Variants in EPRS1 observed in about 807,000 individuals in gnomAD.
EPRS1 encodes the protein bifunctional glutamate/proline--tRNA ligase.
EPRS1 carries 107 observed loss-of-function variants against 188.3 expected under a neutral mutation model. The observed-to-expected ratio is 0.57, with a 90% CI of 0.49 to 0.67. The LOEUF (loss-of-function observed/expected upper bound fraction) is 0.67, where lower values mean the gene tolerates loss of function less well. Among genes scored for constraint, EPRS1 ranks in the 30% least tolerant of loss-of-function variants. The pLI, the probability that EPRS1 is intolerant of heterozygous loss-of-function variation, is 0.00. For synonymous variants in EPRS1, 596 were observed against 593.1 expected, an observed-to-expected ratio of 1.00 and a Z score of -0.07; for missense variants, 1,577 against 1,802.2, an observed-to-expected ratio of 0.88 and a Z score of 2.26.
rs112415873 is a variant in EPRS1, at chr1:219,983,111, T to C, written c.3300+78A>G. ...AAAAATGGCTTTATATTTTTCAAAA[T>C]TGGTTGTTAAAAGTTGAAAATATAT... On this transcript the variant is annotated intron_variant, in intron 22 of 31. Coordinates refer to ENST00000366923, the MANE Select transcript of EPRS1 (RefSeq NM_004446.3). 19 of 1,205,714 alleles carry C rather than the reference T, an allele frequency of 1.6e-5. No individual in the cohort carries two copies. In the African/African-American group the frequency reaches 1.8e-4, roughly 12 times the overall value. 74.7% of individuals were successfully genotyped at this position (1,205,714 alleles called of 1,614,324 possible). A position where few individuals can be genotyped will look rare whatever the true frequency, so the allele number is the denominator to read the frequency against.
intron 1 of EPRS1, among the ~76,000 whole-genome samples, chr1:220,040,805 G>A (rs1429790965): frequency 6.7e-6 from 1 of 149,564 alleles, no homozygotes; most frequent in Non-Finnish European, 1.5e-5. Context: ...AGCCGAGATT[G>A]AGCCATTGCA....
Position 220,005,833 on chromosome 1 carries a change from T to TG in EPRS1, c.1950+272_1950+273insC, listed in dbSNP as rs1390660609. On this transcript the variant is annotated intron_variant, in intron 15 of 31. Transcript: ENST00000366923. ...ACTTACATCGTTTTTTTTTTTGTTT[T>TG]TTTTTTTGTTTTTTTTTGTAGAGAC... Among the ~76,000 whole-genome samples, 21 of 41,196 alleles carry TG rather than the reference T, an allele frequency of 5.1e-4. 1 individual carries two copies. Among genetic ancestry groups the TG allele is most frequent in the African/African-American group, 2.2e-3 (20 of 9,218 alleles). 27.0% of individuals were successfully genotyped at this position (41,196 alleles called of 152,430 possible). A position where few individuals can be genotyped will look rare whatever the true frequency, so the allele number is the denominator to read the frequency against.
At chr1:220,035,472 G>A (rs560851822) in intron 2 of EPRS1, among the ~76,000 whole-genome samples, 59 of 152,262 alleles carry the variant, frequency 3.9e-4, no homozygotes, top group African/African-American at 1.3e-3. Context: ...TTCTTTACAT[G>A]TCTATTCAGA....
At chr1:219,989,760 G>C (rs1009256350) in intron 18 of EPRS1, among the ~76,000 whole-genome samples, 8 of 152,108 alleles carry the variant, frequency 5.3e-5, no homozygotes, top group African/African-American at 1.7e-4. Context: ...CTATTAGAGT[G>C]TCATACCAGG....
At chr1:219,981,623 T>C (rs920432876) in intron 23 of EPRS1, among the ~76,000 whole-genome samples, 166 bp from the exon 24 acceptor site, 2 of 152,236 alleles carry the variant, frequency 1.3e-5, no homozygotes, top group African/African-American at 4.8e-5. Flanking sequence ...TTATAATAAG[T>C]GAATAGTATT....
At chr1:220,017,672 T>C (rs1661747386) in intron 12 of EPRS1, among the ~76,000 whole-genome samples, 1 of 152,078 alleles carries the variant, frequency 6.6e-6, no homozygotes, top group African/African-American at 2.4e-5. Flanking sequence ...ACAGAAACCA[T>C]AATTTAAAAC....
At chr1:220,019,893 C>G in intron 10 of EPRS1, 95 bp downstream of exon 10, 1 of 809,398 alleles carries the variant, frequency 1.2e-6, no homozygotes, top group Non-Finnish European at 2.1e-6. Context: ...CATTCCCCCT[C>G]CTCCCAATCA....
intron 13 of EPRS1, among the ~76,000 whole-genome samples, chr1:220,010,618 T>C (rs1333401353): frequency 3.9e-5 from 6 of 152,038 alleles, no homozygotes; most frequent in Admixed American, 3.3e-4. Flanking sequence ...GAGACCAACC[T>C]GGCCAACATG....
At chr1:219,989,856 CTT>C in intron 18 of EPRS1, among the ~76,000 whole-genome samples, 1 of 152,126 alleles carries the variant, frequency 6.6e-6, no homozygotes, top group East Asian at 1.9e-4. Context: ...TGTTGTGTCT[CTT>C]GTTTATTCTG....
At chr1:219,971,308 A>C (rs1660659755) in intron 30 of EPRS1, among the ~76,000 whole-genome samples, 1 of 152,202 alleles carries the variant, frequency 6.6e-6, no homozygotes, top group Non-Finnish European at 1.5e-5. Flanking sequence ...GAAACTTTAA[A>C]GTTTCAGCTC....
At position 220,020,636 on chromosome 1, in the gene EPRS1, A is replaced by G. The variant is rs551867756; in HGVS notation, c.1116-415T>C. Among the ~76,000 whole-genome samples, 6 of 151,164 alleles carry G rather than the reference A, an allele frequency of 4.0e-5. No individual in the cohort carries two copies. The East Asian group carries it at 1.2e-3, about 29-fold the overall frequency. ...GTTCTGAGTAATCCCTTACTCAAGT[A>G]AATCCCTAAAAGTCTTAAAAGTACT... On this transcript the variant is annotated intron_variant, in intron 9 of 31. Coordinates refer to ENST00000366923, the MANE Select transcript of EPRS1 (RefSeq NM_004446.3).
chr1:220,012,453 T>C (rs1661622790), intron 12 of EPRS1, among the ~76,000 whole-genome samples: 1 of 152,200 alleles, frequency 6.6e-6, no homozygotes, highest in Admixed American at 6.5e-5. Context: ...TTCCTATACT[T>C]GACTAATTTT....
In EPRS1 at chr1:219,997,340, G is replaced by A. The variant is rs768427860; in HGVS notation, c.2184C>T (p.Thr728=). Residue 728 remains threonine (T), a splice_region_variant and synonymous_variant, in exon 18 of 32, where the codon ACC becomes ACT. Coordinates refer to ENST00000366923, the MANE Select transcript of EPRS1 (RefSeq NM_004446.3). ...KTKVEATKNE[T]SAPFKERPTP... is the part of the protein sequence containing the mutation. ...TTGGTCTTTCCTTAAAAGGAGCAGA[G>A]GTCTACCAAGAGAGAAAACCAAAAG... is the stretch of plus-strand genomic sequence containing the variant. 1.5e-5 allele frequency: 23 copies of A among 1,565,842 alleles called. No individual in the cohort carries two copies. The highest frequency in any genetic ancestry group is 3.8e-4 in the Middle Eastern group (2 of 5,220).
chr1:220,046,097 T>C (rs1662397316), intron 1 of EPRS1, among the ~76,000 whole-genome samples: 1 of 152,162 alleles, frequency 6.6e-6, no homozygotes, highest in African/African-American at 2.4e-5. Context: ...TCGTGTTGTC[T>C]AGCCCGGGCT....
intron 16 of EPRS1, among the ~76,000 whole-genome samples, chr1:220,002,293 T>C (rs1200090984): frequency 2.0e-5 from 3 of 150,910 alleles, no homozygotes; most frequent in Admixed American, 2.0e-4. Flanking sequence ...GACTGCATCA[T>C]TGCACTCCAG....
At position 220,029,579 on chromosome 1, in the gene EPRS1, T is replaced by A. The variant is rs75694653; in HGVS notation, c.623+807A>T. Among the ~76,000 whole-genome samples, 140 of 152,300 alleles carry A rather than the reference T, an allele frequency of 9.2e-4. 2 individuals carry two copies. The East Asian group carries it at 0.025, about 27-fold the overall frequency. ...GAATACAAAATCTGAAAAAATTAAA[T>A]TTGGAAATCTTAAATTTGGAAAAAA... On this transcript the variant is annotated intron_variant, in intron 6 of 31. Transcript: ENST00000366923.
intron 30 of EPRS1, among the ~76,000 whole-genome samples, chr1:219,971,515 G>A (rs958297273): frequency 1.3e-5 from 2 of 151,916 alleles, no homozygotes; most frequent in Non-Finnish European, 2.9e-5. Flanking sequence ...TACAGTCAGG[G>A]AATGGAAAGA....
chr1:220,042,181 CAAAAA>C (rs1204286086), intron 1 of EPRS1, among the ~76,000 whole-genome samples: 4 of 62,648 alleles, frequency 6.4e-5, no homozygotes, highest in Admixed American at 1.8e-4. Context: ...ACTCCGTCCC[CAAAAA>C]AAAAAAAAAA....
At chr1:220,033,752 G>T in intron 3 of EPRS1, 94 bp from the exon 4 acceptor site, 1 of 811,012 alleles carries the variant, frequency 1.2e-6, no homozygotes, top group Non-Finnish European at 2.1e-6. Context: ...TAGAGCAACA[G>T]TACACTCTTA....
Sources: gnomAD v4.1 joint callset for allele counts (sites outside exome capture counted in the v4.1 genomes callset) on GRCh38, gnomAD v4.1.1 for gene constraint, MANE v1.5 for transcripts, NCBI Gene and HGNC (gene_info 2026-07-23, HGNC 2026-07-21) for gene names.